Variants in POU6F2 observed in about 807,000 individuals in gnomAD.
POU6F2 encodes the protein POU domain, class 6, transcription factor 2.
A neutral mutation model predicts 71.3 loss-of-function variants in POU6F2; 31 were observed. That is an observed-to-expected ratio of 0.43 (90% confidence interval 0.33 to 0.59). POU6F2 has a LOEUF of 0.59. Among genes scored for constraint, POU6F2 ranks in the 20% least tolerant of loss-of-function variants. The pLI, the probability that POU6F2 is intolerant of heterozygous loss-of-function variation, is 0.04. For missense variants in POU6F2, 783 were observed against 856.8 expected, an observed-to-expected ratio of 0.91 and a Z score of 1.07; for synonymous variants, 347 against 355.7, an observed-to-expected ratio of 0.98 and a Z score of 0.27.
chr7:39,451,639 C>G lies in POU6F2; in HGVS notation c.1427C>G (p.Ala476Gly), dbSNP rs140486504. The G allele has an allele frequency of 3.0e-5, 49 of 1,612,290 alleles. No individual in the cohort carries two copies. The African/African-American group carries it at 6.3e-4, about 21-fold the overall frequency. Residue 476 changes from alanine (A) to glycine (G), a missense_variant, in exon 8 of 10, where the codon GCT (alanine) becomes GGT (glycine). Physicochemically the swap from Ala to Gly is moderately conservative, Grantham distance 60 (BLOSUM62 0). This residue lies in a region of POU6F2 where 572 missense variants were observed against 572.9 expected (regional missense o/e 1.00). Transcript: ENST00000518318. ...ATGTCTCAAAGTCCCGTCCGGCAGG[C>G]TTCCTCTTCTTCCTCCTCATCCTCC... ...ASMSQSPVRQ[A>G]SSSSSSSSSS...
At chr7:39,075,603 A>G (rs1052491260) in intron 1 of POU6F2, among the ~76,000 whole-genome samples, 5 of 152,220 alleles carry the variant, frequency 3.3e-5, no homozygotes, top group African/African-American at 1.2e-4. Flanking sequence ...CACTTGTAGT[A>G]AAATCACGCT....
intron 4 of POU6F2, among the ~76,000 whole-genome samples, chr7:39,228,046 A>C (rs1794504750): frequency 6.6e-6 from 1 of 151,764 alleles, no homozygotes; most frequent in Admixed American, 6.6e-5. Flanking sequence ...ACACAACTCT[A>C]CTCTTCCTCT....
At chr7:39,260,278 CCA>C (rs1291586261) in intron 4 of POU6F2, among the ~76,000 whole-genome samples, 1 of 149,868 alleles carries the variant, frequency 6.7e-6, no homozygotes, top group Non-Finnish European at 1.5e-5. Flanking sequence ...CATGCATACA[CCA>C]CACACACTCT....
chr7:39,058,264 C>G (rs1790576351), intron 1 of POU6F2, among the ~76,000 whole-genome samples: 1 of 152,164 alleles, frequency 6.6e-6, no homozygotes, highest in Non-Finnish European at 1.5e-5. Context: ...GAGTTCTGTA[C>G]TAGGAGCCAG....
At chr7:39,001,561 T>A (rs1788906232) in intron 1 of POU6F2, among the ~76,000 whole-genome samples, 1 of 152,186 alleles carries the variant, frequency 6.6e-6, no homozygotes, top group Non-Finnish European at 1.5e-5. Context: ...CTACTTTAGA[T>A]GAGGATATGT....
intron 5 of POU6F2, among the ~76,000 whole-genome samples, chr7:39,390,788 A>T (rs1479286617): frequency 1.3e-5 from 2 of 152,220 alleles, no homozygotes; most frequent in African/African-American, 4.8e-5. Context: ...TACTATCATC[A>T]AATAATGTTG....
chr7:39,283,676 C>T (rs1784604059), intron 4 of POU6F2, among the ~76,000 whole-genome samples: 1 of 152,164 alleles, frequency 6.6e-6, no homozygotes, highest in African/African-American at 2.4e-5. Context: ...TGCTGATGAA[C>T]ACTTGGGTTG....
At chr7:39,048,001 T>C (rs1433769988) in intron 1 of POU6F2, among the ~76,000 whole-genome samples, 1 of 151,934 alleles carries the variant, frequency 6.6e-6, no homozygotes, top group African/African-American at 2.4e-5. Context: ...TTTGGCTGGC[T>C]TTGTTAAATA....
chr7:39,331,490 G>GGTTTGGTTTT (rs1785647598), intron 4 of POU6F2, among the ~76,000 whole-genome samples: 1 of 151,842 alleles, frequency 6.6e-6, no homozygotes, highest in African/African-American at 2.4e-5. Flanking sequence ...ATCTCACTCC[G>GGTTTGGTTTT]GTTTTGTTTT....
intron 2 of POU6F2, among the ~76,000 whole-genome samples, chr7:39,128,066 C>A (rs538059928): frequency 6.6e-6 from 1 of 151,818 alleles, no homozygotes; most frequent in African/African-American, 2.4e-5. Context: ...TGGTCTCGAT[C>A]CCCTGACCTC....
At chr7:39,185,444 G>A (rs773526673) in intron 2 of POU6F2, among the ~76,000 whole-genome samples, 1 of 152,100 alleles carries the variant, frequency 6.6e-6, no homozygotes, top group Non-Finnish European at 1.5e-5. Context: ...GAAATATAAT[G>A]CTAATGACTT....
chr7:39,379,516 C>A (rs1013535311), intron 5 of POU6F2, among the ~76,000 whole-genome samples: 2 of 152,154 alleles, frequency 1.3e-5, no homozygotes, highest in African/African-American at 4.8e-5. Context: ...ATCCTCCTAA[C>A]TCAAATGTTA....
intron 4 of POU6F2, among the ~76,000 whole-genome samples, chr7:39,242,713 G>C (rs909948629): frequency 6.6e-6 from 1 of 152,112 alleles, no homozygotes. Flanking sequence ...CTAACAAATA[G>C]ACACTGAACA....
intron 2 of POU6F2, among the ~76,000 whole-genome samples, chr7:39,134,470 G>A (rs1041387197): frequency 6.6e-6 from 1 of 152,182 alleles, no homozygotes; most frequent in African/African-American, 2.4e-5. Context: ...GGTGATGAGA[G>A]ATCATGCCAG....
At chr7:39,025,378 A>C (rs1412904579) in intron 1 of POU6F2, among the ~76,000 whole-genome samples, 1 of 152,210 alleles carries the variant, frequency 6.6e-6, no homozygotes, top group African/African-American at 2.4e-5. Flanking sequence ...CCAAAACAGC[A>C]TGGTACTGGT....
intron 4 of POU6F2, among the ~76,000 whole-genome samples, chr7:39,251,082 C>A (rs987016871): frequency 2.0e-5 from 3 of 152,206 alleles, no homozygotes; most frequent in African/African-American, 7.2e-5. Flanking sequence ...AGGCAACATT[C>A]ATTTACGTAA....
chr7:39,040,724 TA>T (rs1297185270), intron 1 of POU6F2, among the ~76,000 whole-genome samples: 1 of 151,972 alleles, frequency 6.6e-6, no homozygotes, highest in East Asian at 1.9e-4. Flanking sequence ...ATGTAAATCA[TA>T]ATTTAAGAAA....
chr7:39,449,169 C>T (rs559912218), intron 7 of POU6F2, among the ~76,000 whole-genome samples: 1 of 152,272 alleles, frequency 6.6e-6, no homozygotes, highest in South Asian at 2.1e-4. Flanking sequence ...AAGGTGGTTT[C>T]CTGGGAAGAT....
At chr7:39,342,568 A>G (rs945029940) in intron 5 of POU6F2, among the ~76,000 whole-genome samples, 1 of 152,226 alleles carries the variant, frequency 6.6e-6, no homozygotes, top group Non-Finnish European at 1.5e-5. Flanking sequence ...TGCAATGTAG[A>G]TTACCAGGGA....
Sources: allele counts gnomAD v4.1 joint callset (sites outside exome capture counted in the v4.1 genomes callset), GRCh38; gene constraint gnomAD v4.1.1; regional missense constraint gnomAD v4.1.1; transcripts MANE v1.5; gene names NCBI Gene and HGNC (gene_info 2026-07-23, HGNC 2026-07-21).